The following AVEN variants were observed in gnomAD, a reference collection of about 807,000 sequenced individuals.
AVEN encodes the protein apoptosis and caspase activation inhibitor, also known as cell death regulator Aven.
Under a neutral mutation model 38.1 loss-of-function variants are expected in AVEN, and 41 were observed. The ratio of observed to expected loss-of-function variants is 1.08; its 90% confidence interval spans 0.84 to 1.40. The LOEUF (loss-of-function observed/expected upper bound fraction) is 1.40, where lower values mean the gene tolerates loss of function less well. AVEN is among the 40% of genes most tolerant of loss of function. AVEN has a pLI of 0.00. For synonymous variants in AVEN, 206 were observed against 171.8 expected (o/e 1.20, Z -1.56); for missense variants, 605 against 438.8 (o/e 1.38, Z -3.38).
chr15:33,852,930 A>G, the AVEN span: 3 of 849,712 alleles, frequency 3.5e-6, no homozygotes, highest in Non-Finnish European at 3.8e-6. Flanking sequence ...TTCTTTGGTG[A>G]GCAGGACACA....
chr15:33,994,547 G>A (rs571118626), intron 2 of AVEN, among the ~76,000 whole-genome samples: 8 of 152,262 alleles, frequency 5.3e-5, no homozygotes, highest in South Asian at 2.1e-4. Flanking sequence ...CCACAAAACC[G>A]GTCCCTGGTG....
Position 33,960,091 on chromosome 15 carries a change from A to G in AVEN, c.445+42941T>C, listed in dbSNP as rs138082618. Among the ~76,000 whole-genome samples the G allele has an allele frequency of 5.8e-3, 883 of 152,288 alleles. 4 individuals are homozygous for G. Among genetic ancestry groups the G allele is most frequent in the African/African-American group, 0.02 (844 of 41,544 alleles). ...CAACTTCCTCTTTATAAAATAAGGGACCGTGATCAGATATGGAGGTTTCTT... is the reference window on the plus strand; with the variant it reads ...CAACTTCCTCTTTATAAAATAAGGGGCCGTGATCAGATATGGAGGTTTCTT... On this transcript the variant is annotated intron_variant, in intron 2 of 5. Transcript: ENST00000306730.
At chr15:33,963,444 T>A (rs920659715) in intron 2 of AVEN, among the ~76,000 whole-genome samples, 2 of 152,162 alleles carry the variant, frequency 1.3e-5, no homozygotes, top group Non-Finnish European at 2.9e-5. Flanking sequence ...GGCTTTTGTA[T>A]GAAGTGCTTC....
chr15:33,916,603 A>G (rs1306015020), intron 2 of AVEN, among the ~76,000 whole-genome samples: 1 of 152,194 alleles, frequency 6.6e-6, no homozygotes, highest in Non-Finnish European at 1.5e-5. Flanking sequence ...AACATCACTA[A>G]TGATCAGGGA....
chr15:33,948,122 G>A (rs1237774612), intron 2 of AVEN, among the ~76,000 whole-genome samples: 2 of 148,026 alleles, frequency 1.4e-5, no homozygotes, highest in Non-Finnish European at 3.0e-5. Context: ...TTTTGAGATG[G>A]AGTCTCGCTC....
chr15:33,852,748 T>A, the AVEN span: 153 of 291,784 alleles, frequency 5.2e-4, 1 homozygote, highest in South Asian at 3.8e-3. Flanking sequence ...CTTAGAAACA[T>A]ACAACTGTCT....
intron 1 of AVEN, among the ~76,000 whole-genome samples, chr15:34,007,274 T>G (rs1237948127): frequency 6.6e-6 from 1 of 152,196 alleles, no homozygotes; most frequent in Non-Finnish European, 1.5e-5. Flanking sequence ...TCACCTGCTC[T>G]GCAGAATGAA....
At position 33,871,017 on chromosome 15, in the gene AVEN, T is replaced by C; in HGVS notation, c.530A>G (p.Tyr177Cys). The change falls in exon 4 of 6, where the codon TAT (tyrosine) becomes TGT (cysteine). Residue 177 changes from tyrosine (Y) to cysteine (C), a missense_variant. Transcript: ENST00000306730. ...ASCPKQNSAF[Y>C]VDSELLVRAL... ...TCGAACCAATAACTCACTATCCACA[T>C]AAAATGCTGAATTCTATATATATAT... 2 of 1,597,872 alleles carry C rather than the reference T, an allele frequency of 1.3e-6. No individual in the cohort carries two copies. The highest frequency in any genetic ancestry group is 1.7e-6 in the Non-Finnish European group (2 of 1,170,402).
At chr15:34,005,170 A>G (rs1427799516) in intron 1 of AVEN, among the ~76,000 whole-genome samples, 1 of 152,118 alleles carries the variant, frequency 6.6e-6, no homozygotes, top group East Asian at 1.9e-4. Context: ...TGGTCACTAG[A>G]TTTTTAAAAA....
intron 4 of AVEN, among the ~76,000 whole-genome samples, chr15:33,868,350 T>C (rs770266368): frequency 1.4e-4 from 21 of 150,816 alleles, no homozygotes; most frequent in Non-Finnish European, 2.4e-4. Context: ...GGTGAAACCC[T>C]GTCTCTACTA....
chr15:33,874,032 C>T (rs12913404), intron 3 of AVEN, among the ~76,000 whole-genome samples: 83,862 of 151,948 alleles, frequency 0.55, 25,915 homozygotes, highest in Non-Finnish European at 0.7. Flanking sequence ...TCATCTCATC[C>T]GTTCAATCCC....
chr15:34,043,933 G>T (rs1228058517), upstream of AVEN, among the ~76,000 whole-genome samples: 1 of 151,816 alleles, frequency 6.6e-6, no homozygotes, highest in African/African-American at 2.4e-5. Flanking sequence ...CCAGTCCAAG[G>T]CCAAGGCCTC....
At chr15:33,990,391 A>G (rs1051247393) in intron 2 of AVEN, among the ~76,000 whole-genome samples, 5 of 152,080 alleles carry the variant, frequency 3.3e-5, no homozygotes, top group Non-Finnish European at 5.9e-5. Flanking sequence ...GAAAAAAAAA[A>G]GAAAAGAAAA....
In AVEN at chr15:33,918,464, T is replaced by C. The variant is rs1244298503; in HGVS notation, c.446-42469A>G. ...TCCCAGTCTTAAATTACAGCTTTTTTTTTTTTTTTTTTTTTTTTTTGTGAG... is the reference window on the plus strand; with the variant it reads ...TCCCAGTCTTAAATTACAGCTTTTTCTTTTTTTTTTTTTTTTTTTTGTGAG... On this transcript the variant is annotated intron_variant, in intron 2 of 5. Coordinates refer to ENST00000306730, the MANE Select transcript of AVEN (RefSeq NM_020371.3). 3.0e-5 allele frequency among the ~76,000 whole-genome samples: 4 copies of C among 133,506 alleles called. No individual in the cohort carries two copies. The East Asian group carries it at 8.3e-4, about 28-fold the overall frequency. The allele number at this position is 133,506 out of a possible 152,430, so 87.6% of individuals were successfully genotyped here. A position where few individuals can be genotyped will look rare whatever the true frequency, so the allele number is the denominator to read the frequency against.
chr15:33,968,234 T>C (rs1471244099), intron 2 of AVEN, among the ~76,000 whole-genome samples: 3 of 149,650 alleles, frequency 2.0e-5, no homozygotes, highest in Non-Finnish European at 4.5e-5. Flanking sequence ...CCAAAATACG[T>C]CACTTAACTG....
chr15:33,867,820 TG>T lies in AVEN; in HGVS notation c.647del (p.Pro216GlnfsTer10). 1 of 1,603,594 alleles carries T rather than the reference TG, an allele frequency of 6.2e-7. No individual in the cohort carries two copies. Among genetic ancestry groups the T allele is most frequent in the South Asian group, 1.1e-5 (1 of 89,056 alleles). ...ATCCCTTGCCATCATCAGTTCTCTT[TG>T]GTTTCACCTGAGGAACCTCTAAAGG... The part of the protein sequence containing the change: ...TVPLEVPQVK[P>X]KRTDDGKGLG... On this transcript the variant is annotated frameshift_variant, in exon 5 of 6. Coordinates refer to ENST00000306730, the MANE Select transcript of AVEN (RefSeq NM_020371.3). LOFTEE classifies it high-confidence loss of function.
At chr15:34,057,281 C>A (rs1480120461) in intron 5 of AVEN, among the ~76,000 whole-genome samples, 3 of 148,784 alleles carry the variant, frequency 2.0e-5, no homozygotes, top group Non-Finnish European at 4.4e-5. Context: ...AGAATATAGG[C>A]ACATGCCACC....
At chr15:33,954,018 A>G (rs566238170) in intron 2 of AVEN, among the ~76,000 whole-genome samples, 16 of 152,368 alleles carry the variant, frequency 1.1e-4, no homozygotes, top group Admixed American at 5.2e-4. Flanking sequence ...TCTCAAAAGA[A>G]GACATTTATG....
At chr15:34,054,749 G>A (rs1900064400) in intron 5 of AVEN, among the ~76,000 whole-genome samples, 1 of 152,132 alleles carries the variant, frequency 6.6e-6, no homozygotes, top group Admixed American at 6.6e-5. Context: ...TTAATACCTA[G>A]GTAATGGGAT....
Sources: gnomAD v4.1 joint callset for allele counts (sites outside exome capture counted in the v4.1 genomes callset) on GRCh38, gnomAD v4.1.1 for gene constraint, MANE v1.5 for transcripts, NCBI Gene and HGNC (gene_info 2026-07-23, HGNC 2026-07-21) for gene names.